RICTOR: variants seen among roughly 807,000 people sequenced by gnomAD.
RICTOR encodes rapamycin-insensitive companion of mTOR.
In RICTOR, 49 loss-of-function variants were observed where a neutral mutation model predicts 214.9. The ratio of observed to expected loss-of-function variants is 0.23; its 90% CI spans 0.18 to 0.29. The LOEUF (loss-of-function observed/expected upper bound fraction) is 0.29. Among genes scored for constraint, RICTOR ranks in the 10% least tolerant of loss-of-function variants. RICTOR has a pLI of 1.00. For synonymous variants in RICTOR, 717 were observed against 711.3 expected, an observed-to-expected ratio of 1.01 and a Z score of -0.13; for missense variants, 1,625 against 2,047.0, an observed-to-expected ratio of 0.79 and a Z score of 3.98.
At chr5:39,053,270 C>T (rs1479322519) in intron 2 of RICTOR, among the ~76,000 whole-genome samples, 2 of 152,204 alleles carry the variant, frequency 1.3e-5, no homozygotes, top group African/African-American at 4.8e-5. Context: ...ATCCCTCAGT[C>T]AACAAACCAA....
intron 2 of RICTOR, among the ~76,000 whole-genome samples, chr5:39,046,439 CTTT>C (rs33965533): frequency 3.6e-5 from 5 of 138,824 alleles, no homozygotes; most frequent in African/African-American, 7.9e-5. Flanking sequence ...TGAAATATTA[CTTT>C]TTTTTTTTTT....
chr5:38,946,178 T>C (rs572105974), intron 33 of RICTOR, among the ~76,000 whole-genome samples: 1 of 152,324 alleles, frequency 6.6e-6, no homozygotes, highest in African/African-American at 2.4e-5. Flanking sequence ...TCTATGAGGA[T>C]TAGTGTTATA....
chr5:39,051,040 TATAC>T (rs1357960062), intron 2 of RICTOR, among the ~76,000 whole-genome samples: 2,566 of 100,936 alleles, frequency 0.025, 85 homozygotes, highest in African/African-American at 0.076. Flanking sequence ...CATACATATA[TATAC>T]ACACACACAC....
chr5:39,062,565 A>T (rs991536916), intron 2 of RICTOR, among the ~76,000 whole-genome samples: 2 of 152,148 alleles, frequency 1.3e-5, no homozygotes, highest in Non-Finnish European at 2.9e-5. Context: ...ATAAATAGCA[A>T]TACTATTTTA....
intron 25 of RICTOR, 31 bp downstream of exon 25, chr5:38,957,621 C>A (rs753238444): frequency 1.7e-6 from 2 of 1,178,406 alleles, no homozygotes; most frequent in African/African-American, 1.5e-5. Context: ...TAAAAACACA[C>A]AAATTCAACT....
At chr5:39,057,235 A>G (rs1022380252) in intron 2 of RICTOR, among the ~76,000 whole-genome samples, 1 of 152,190 alleles carries the variant, frequency 6.6e-6, no homozygotes, top group African/African-American at 2.4e-5. Flanking sequence ...AGCTTTAGCA[A>G]TCTTCACAAG....
intron 2 of RICTOR, among the ~76,000 whole-genome samples, chr5:39,061,140 C>G (rs141595165): frequency 1.3e-5 from 2 of 152,150 alleles, no homozygotes; most frequent in East Asian, 3.9e-4. Context: ...ATAACCAGTA[C>G]TCAATAAATA....
intron 2 of RICTOR, among the ~76,000 whole-genome samples, chr5:39,052,033 T>C (rs115310384): frequency 0.031 from 4,710 of 152,270 alleles, 101 homozygotes; most frequent in Non-Finnish European, 0.049. Context: ...TCCTTCATAA[T>C]GCTGGGCAGA....
At chr5:39,066,719 C>A (rs1758930602) in intron 2 of RICTOR, among the ~76,000 whole-genome samples, 1 of 152,182 alleles carries the variant, frequency 6.6e-6, no homozygotes, top group African/African-American at 2.4e-5. Flanking sequence ...GCTGCTTAGA[C>A]ATTTCTTCCG....
At chr5:39,028,768 C>T (rs1362950585) in intron 2 of RICTOR, among the ~76,000 whole-genome samples, 4 of 152,074 alleles carry the variant, frequency 2.6e-5, no homozygotes, top group African/African-American at 7.2e-5. Context: ...TGCAGTGGCT[C>T]GTGCCTGTAA....
rs2112848166 is a variant in RICTOR at position 38,949,916 on chromosome 5, A to G, written c.3932T>C (p.Ile1311Thr). 1 of 1,613,516 alleles carries G rather than the reference A, an allele frequency of 6.2e-7. No homozygotes were observed. Among genetic ancestry groups the G allele is most frequent in the Non-Finnish European group, 8.5e-7 (1 of 1,179,608 alleles). The change falls in exon 31 of 38, where the codon ATT (isoleucine) becomes ACT (threonine). Residue 1311 changes from isoleucine (I) to threonine (T), a missense_variant. By Grantham distance (89) the Ile-to-Thr change is moderately conservative. Transcript: ENST00000357387. ...AAAGTTACAATCTGCTAGACTTTTA[A>G]TTGTAGCAATAGAGGGTGCTTTAAG... ...QSLKAPSIAT[I>T]KSLADCNFSY... is the part of the protein sequence containing the mutation.
At chr5:39,008,840 T>C (rs913094073) in intron 3 of RICTOR, among the ~76,000 whole-genome samples, 3 of 151,996 alleles carry the variant, frequency 2.0e-5, no homozygotes, top group African/African-American at 7.2e-5. Flanking sequence ...ATTATCACTA[T>C]GTGGTACCAT....
intron 2 of RICTOR, among the ~76,000 whole-genome samples, chr5:39,071,243 GCTTAGA>G (rs775892815): frequency 5.3e-5 from 8 of 151,972 alleles, no homozygotes; most frequent in Non-Finnish European, 1.2e-4. Context: ...ACTGCACTTC[GCTTAGA>G]CTTAATTTAT....
rs1381595818 is a variant in RICTOR, at chr5:38,959,097, T to C, written c.2178+98A>G. ...AATTTTAAAGTAAACTCAATTTCCA[T>C]ATCATATTCTTAGAACTTAATTTTA... On this transcript the variant is annotated intron_variant, in intron 22 of 37. Transcript: ENST00000357387. The C allele has an allele frequency of 3.2e-6, 3 of 949,828 alleles. No homozygotes were observed. In the African/African-American group the frequency reaches 5.1e-5, roughly 16 times the overall value. The allele number at this position is 949,828 out of a possible 1,614,324, so 58.8% of individuals were successfully genotyped here.
intron 2 of RICTOR, among the ~76,000 whole-genome samples, chr5:39,059,998 C>T (rs925881223): frequency 3.9e-5 from 6 of 152,128 alleles, no homozygotes; most frequent in South Asian, 4.2e-4. Context: ...TGTCTGGGTA[C>T]GACACCATGC....
chr5:38,944,568 A>T lies in RICTOR; in HGVS notation c.4791T>A (p.Gly1597=). 1.9e-6 allele frequency: 3 copies of T among 1,586,876 alleles called. No homozygotes were observed. Among genetic ancestry groups the T allele is most frequent in the Non-Finnish European group, 2.6e-6 (3 of 1,170,870 alleles). Residue 1597 remains glycine (G), a splice_region_variant and synonymous_variant, in exon 36 of 38, where the codon GGT becomes GGA. Transcript: ENST00000357387. ...SSTKSTELLL[G]VKTIPDDTPM... is the part of the protein sequence containing the mutation. Reference sequence around the variant, plus strand: ...GTGTATCATCTGGAATTGTTTTAACACCTGAAAAGATTTCAGGGAGAAGTT... The same window carrying T: ...GTGTATCATCTGGAATTGTTTTAACTCCTGAAAAGATTTCAGGGAGAAGTT...
rs549559147 is a variant in RICTOR, at chr5:39,039,451, C to A, written c.98-18315G>T. On this transcript the variant is annotated intron_variant, in intron 2 of 37. Transcript: ENST00000357387. ...ACACCAAAAGCAATGGCAACAAAAG[C>A]CAAAATTGACAAATGGGATCTAATT... 1.9e-3 allele frequency among the ~76,000 whole-genome samples: 285 copies of A among 152,172 alleles called. 2 individuals carry two copies. The highest frequency in any genetic ancestry group is 6.5e-3 in the African/African-American group (272 of 41,534).
At chr5:39,034,351 G>A (rs186169910) in intron 2 of RICTOR, among the ~76,000 whole-genome samples, 14 of 152,166 alleles carry the variant, frequency 9.2e-5, no homozygotes, top group East Asian at 1.9e-4. Flanking sequence ...CAAGATGGCC[G>A]AATAGGAATG....
chr5:39,073,609 C>A (rs1027413737), intron 2 of RICTOR, among the ~76,000 whole-genome samples: 1 of 152,228 alleles, frequency 6.6e-6, no homozygotes, highest in African/African-American at 2.4e-5. Context: ...CGGGTCCCCA[C>A]AGGACGGTGG....
Sources: gnomAD v4.1 joint callset for allele counts (sites outside exome capture counted in the v4.1 genomes callset) on GRCh38, gnomAD v4.1.1 for gene constraint, MANE v1.5 for transcripts, NCBI Gene and HGNC (gene_info 2026-07-23, HGNC 2026-07-21) for gene names.